The following IL1RAPL1 variants were observed in gnomAD, a reference collection of about 807,000 sequenced individuals.
The protein encoded by IL1RAPL1 is interleukin-1 receptor accessory protein-like 1.
IL1RAPL1 carries 3 observed loss-of-function variants against 48.4 expected under a neutral mutation model. That is an observed-to-expected ratio of 0.06 (90% CI 0.03 to 0.16). The LOEUF (loss-of-function observed/expected upper bound fraction) is 0.16. Ranked by LOEUF, IL1RAPL1 falls within the 10% of genes least tolerant of loss-of-function variation. The pLI is 1.00. For synonymous variants in IL1RAPL1, 185 were observed against 187.7 expected (o/e 0.99, Z 0.12); for missense variants, 349 against 530.6 (o/e 0.66, Z 3.36).
chrX:28,732,563 C>G (rs1284180071), intron 1 of IL1RAPL1, among the ~76,000 whole-genome samples: 1 of 111,763 alleles, frequency 8.9e-6, no homozygotes, highest in Non-Finnish European at 1.9e-5. Flanking sequence ...GTTTGATATC[C>G]TAAGTAGTTT....
At chrX:29,423,840 T>G (rs777776929) in intron 5 of IL1RAPL1, among the ~76,000 whole-genome samples, 1 of 111,924 alleles carries the variant, frequency 8.9e-6, no homozygotes, top group African/African-American at 3.2e-5. Flanking sequence ...TACTATTTGT[T>G]GACTGCATTT....
intron 2 of IL1RAPL1, among the ~76,000 whole-genome samples, chrX:28,810,399 A>G (rs1467604557): frequency 1.8e-5 from 2 of 110,994 alleles, no homozygotes; most frequent in African/African-American, 3.3e-5. Flanking sequence ...GAATGATTCA[A>G]TAATACGTAA....
rs941993772 is a variant in IL1RAPL1 at position 29,852,391 on chromosome X, T to A, written c.779-65073T>A. On this transcript the variant is annotated intron_variant, in intron 6 of 10. Coordinates refer to ENST00000378993, the MANE Select transcript of IL1RAPL1 (RefSeq NM_014271.4). ...TTTACTCAATTTGTTCCTCCCCATTTTGGAAGTCTTTCAGTCTACGAATCT... is the reference window on the plus strand; with the variant it reads ...TTTACTCAATTTGTTCCTCCCCATTATGGAAGTCTTTCAGTCTACGAATCT... Among the ~76,000 whole-genome samples the A allele has an allele frequency of 7.1e-5, 8 of 112,255 alleles. No homozygotes were observed. The East Asian group carries it at 2.2e-3, about 31-fold the overall frequency.
chrX:28,741,578 A>G (rs1260034628), intron 1 of IL1RAPL1, among the ~76,000 whole-genome samples: 1 of 111,944 alleles, frequency 8.9e-6, no homozygotes, highest in Non-Finnish European at 1.9e-5. Flanking sequence ...TTTTAGATGG[A>G]CAAACAGACT....
intron 2 of IL1RAPL1, among the ~76,000 whole-genome samples, chrX:29,081,020 CTTTCTTTTCTTTTCTTTTCT>C (rs60180938): frequency 3.1e-4 from 13 of 41,903 alleles, no homozygotes; most frequent in South Asian, 1.5e-3. Context: ...CTCTCTCTCT[CTTTCTTTTCTTTTCTTTTCT>C]TTTCTTTTCT....
chrX:28,969,619 G>A (rs750028152), intron 2 of IL1RAPL1, among the ~76,000 whole-genome samples: 10 of 109,645 alleles, frequency 9.1e-5, no homozygotes, highest in Non-Finnish European at 1.7e-4. Context: ...ATCTTGGCTG[G>A]TCTTGGTAAG....
chrX:28,640,429 T>A (rs1400336832), intron 1 of IL1RAPL1, among the ~76,000 whole-genome samples: 1 of 110,649 alleles, frequency 9.0e-6, no homozygotes, highest in Non-Finnish European at 1.9e-5. Context: ...CATTGCAACC[T>A]CTGCCCCCCA....
intron 1 of IL1RAPL1, among the ~76,000 whole-genome samples, chrX:28,604,816 T>C (rs754981668): frequency 9.0e-6 from 1 of 111,138 alleles, no homozygotes; most frequent in East Asian, 2.8e-4. Context: ...ATTTTAATAT[T>C]TTAACATGTT....
chrX:28,874,297 T>C (rs1922310444), intron 2 of IL1RAPL1, among the ~76,000 whole-genome samples: 1 of 112,225 alleles, frequency 8.9e-6, no homozygotes, highest in Non-Finnish European at 1.9e-5. Flanking sequence ...ATATTCAAAA[T>C]AGCATAGCAT....
intron 2 of IL1RAPL1, among the ~76,000 whole-genome samples, chrX:28,898,187 G>T (rs1002028809): frequency 1.3e-4 from 15 of 111,932 alleles, no homozygotes; most frequent in African/African-American, 4.9e-4. Context: ...TTATACATAT[G>T]ATTTGAAAGT....
intron 3 of IL1RAPL1, among the ~76,000 whole-genome samples, chrX:29,375,392 C>G (rs1382022226): frequency 9.0e-6 from 1 of 111,210 alleles, no homozygotes; most frequent in Non-Finnish European, 1.9e-5. Flanking sequence ...TCTCAAACTC[C>G]TGACCTCAGG....
chrX:28,964,583 G>T (rs1236151599), intron 2 of IL1RAPL1, among the ~76,000 whole-genome samples: 1 of 111,582 alleles, frequency 9.0e-6, no homozygotes, highest in Non-Finnish European at 1.9e-5. Context: ...TTGGGCAAAA[G>T]GTATGTGCAG....
At chrX:29,238,056 A>G (rs1335956129) in intron 2 of IL1RAPL1, among the ~76,000 whole-genome samples, 1 of 111,376 alleles carries the variant, frequency 9.0e-6, no homozygotes, top group Non-Finnish European at 1.9e-5. Flanking sequence ...CCTATTGTTG[A>G]GAATGGAAAA....
chrX:29,739,914 G>T (rs1313824463), intron 6 of IL1RAPL1, among the ~76,000 whole-genome samples: 3 of 108,575 alleles, frequency 2.8e-5, no homozygotes, highest in African/African-American at 1.0e-4. Context: ...CAAAAAATTA[G>T]CTGGGCATGG....
At chrX:29,323,651 C>A (rs1932818514) in intron 3 of IL1RAPL1, among the ~76,000 whole-genome samples, 1 of 87,678 alleles carries the variant, frequency 1.1e-5, no homozygotes, top group Non-Finnish European at 2.2e-5. Context: ...CCATCAGATA[C>A]TTCTCTGGAG....
chrX:29,424,410 A>G lies in IL1RAPL1; in HGVS notation c.703+25102A>G, dbSNP rs1046651591. Among the ~76,000 whole-genome samples, 3 of 111,037 alleles carry G rather than the reference A, an allele frequency of 2.7e-5. No individual in the cohort carries two copies. In the East Asian group the frequency reaches 8.4e-4, roughly 31 times the overall value. ...CAGAATATTTAATCCTAAAGCCAGT[A>G]TAGTCTCTGGAAGGGGGCTATTAAG... On this transcript the variant is annotated intron_variant, in intron 5 of 10. Coordinates refer to ENST00000378993, the MANE Select transcript of IL1RAPL1 (RefSeq NM_014271.4).
At chrX:29,737,497 T>C (rs1928079942) in intron 6 of IL1RAPL1, among the ~76,000 whole-genome samples, 1 of 111,935 alleles carries the variant, frequency 8.9e-6, no homozygotes, top group African/African-American at 3.2e-5. Flanking sequence ...GCACTAATCT[T>C]TGTGTAGTAC....
At chrX:29,431,704 A>G (rs993636455) in intron 5 of IL1RAPL1, among the ~76,000 whole-genome samples, 7 of 111,141 alleles carry the variant, frequency 6.3e-5, no homozygotes, top group Admixed American at 1.9e-4. Context: ...CATTACCAAC[A>G]TCATTCCCTT....
chrX:29,009,885 G>A (rs1228222049), intron 2 of IL1RAPL1, among the ~76,000 whole-genome samples: 2 of 112,045 alleles, frequency 1.8e-5, no homozygotes, highest in Non-Finnish European at 3.8e-5. Context: ...TCCAATCCAT[G>A]AGTATGGGAT....
Sources: allele counts gnomAD v4.1 joint callset (sites outside exome capture counted in the v4.1 genomes callset), GRCh38; gene constraint gnomAD v4.1.1; transcripts MANE v1.5; gene names NCBI Gene and HGNC (gene_info 2026-07-23, HGNC 2026-07-21).